Variants in SEMA6A observed in about 807,000 individuals in gnomAD.
SEMA6A encodes the protein semaphorin 6A.
Under a neutral mutation model 96.8 loss-of-function variants are expected in SEMA6A, and 25 were observed. The observed-to-expected ratio is 0.26, with a 90% CI of 0.19 to 0.36. The LOEUF (loss-of-function observed/expected upper bound fraction) is 0.36, where lower values mean the gene tolerates loss of function less well. SEMA6A is among the 10% of genes least tolerant of loss of function. The pLI, the probability that SEMA6A is intolerant of heterozygous loss-of-function variation, is 1.00. For missense variants in SEMA6A, 1,363 were observed against 1,323.1 expected, an observed-to-expected ratio of 1.03 and a Z score of -0.47; for synonymous variants, 612 against 518.0, an observed-to-expected ratio of 1.18 and a Z score of -2.46.
chr5:116,510,470 C>G (rs1169363695), intron 1 of SEMA6A, among the ~76,000 whole-genome samples: 3 of 152,162 alleles, frequency 2.0e-5, no homozygotes, highest in African/African-American at 7.2e-5. Flanking sequence ...TAGCTGGGAC[C>G]TCTAGCAAGA....
chr5:116,502,146 G>T, intron 3 of SEMA6A, 64 bp downstream of exon 3: 2 of 1,251,302 alleles, frequency 1.6e-6, no homozygotes, highest in Non-Finnish European at 2.3e-6. Flanking sequence ...ATGCATAGCT[G>T]GTAAATTTAG....
chr5:116,472,780 G>A (rs995890737), intron 17 of SEMA6A: 3 of 855,536 alleles, frequency 3.5e-6, no homozygotes, highest in Middle Eastern at 3.6e-4. Flanking sequence ...GGGCCCTAAA[G>A]TAACAAAGAA....
intron 18 of SEMA6A, 43 bp downstream of exon 18, chr5:116,467,540 C>G (rs377681453): frequency 6.4e-7 from 1 of 1,561,796 alleles, no homozygotes; most frequent in Admixed American, 1.9e-5. Context: ...CCCACTTTTC[C>G]CTCCCTCTCC....
At position 116,504,870 on chromosome 5, in the gene SEMA6A, C is replaced by T. The variant is rs1049628143; in HGVS notation, c.75G>A (p.Glu25=). The T allele has an allele frequency of 1.2e-6, 2 of 1,601,566 alleles. No individual in the cohort carries two copies. Among genetic ancestry groups the T allele is most frequent in the Non-Finnish European group, 1.7e-6 (2 of 1,173,938 alleles). Residue 25 remains glutamate (E), a synonymous_variant, in exon 2 of 19, where the codon GAG becomes GAA. Coordinates refer to ENST00000343348, the MANE Select transcript of SEMA6A (RefSeq NM_020796.5). ...FAGAGFPEDS[E]PISISHGNYT... ...AGTTGCCATGCGAAATACTGATTGG[C>T]TCAGAATCTTCTGGGAAACCAGCCC...
intron 1 of SEMA6A, among the ~76,000 whole-genome samples, chr5:116,515,378 C>G (rs1352438130): frequency 6.6e-6 from 1 of 152,096 alleles, no homozygotes; most frequent in East Asian, 1.9e-4. Context: ...AGTATAAGCT[C>G]AGAATATTGG....
chr5:116,528,087 G>A (rs922992629), intron 1 of SEMA6A, among the ~76,000 whole-genome samples: 3 of 152,132 alleles, frequency 2.0e-5, no homozygotes, highest in African/African-American at 4.8e-5. Context: ...GAACTCTCCA[G>A]GAACAGTAGA....
chr5:116,571,721 T>A (rs1342529012), intron 1 of SEMA6A, among the ~76,000 whole-genome samples: 1 of 152,224 alleles, frequency 6.6e-6, no homozygotes, highest in African/African-American at 2.4e-5. Context: ...TCTGCCACTG[T>A]ATTTAAGGTT....
At chr5:116,471,667 T>G (rs980356756) in intron 17 of SEMA6A, 2 of 152,186 alleles carry the variant, frequency 1.3e-5, no homozygotes, top group Non-Finnish European at 2.9e-5. Context: ...GCTTATCTAC[T>G]CCACACTGCC....
At chr5:116,494,023 A>T (rs1293057764) in intron 6 of SEMA6A, among the ~76,000 whole-genome samples, 2 of 151,794 alleles carry the variant, frequency 1.3e-5, no homozygotes. Context: ...CCATCCATCT[A>T]CTCGCCAAGA....
intron 2 of SEMA6A, among the ~76,000 whole-genome samples, chr5:116,503,718 T>C (rs1758010028): frequency 6.6e-6 from 1 of 152,112 alleles, no homozygotes. Flanking sequence ...GTTTTCACCA[T>C]GTTGGCCAGG....
At chr5:116,502,403 G>T in intron 2 of SEMA6A, 76 bp from the exon 3 acceptor site, 2 of 1,255,744 alleles carry the variant, frequency 1.6e-6, no homozygotes, top group Non-Finnish European at 2.3e-6. Context: ...AGGGGAGGGA[G>T]ACAGGTCACA....
chr5:116,476,455 G>C (rs1756453550), intron 15 of SEMA6A, among the ~76,000 whole-genome samples: 1 of 152,010 alleles, frequency 6.6e-6, no homozygotes, highest in East Asian at 1.9e-4. Context: ...ACCGTGTTTG[G>C]TTTCTAATCT....
At chr5:116,545,500 G>A (rs1168882838) in intron 1 of SEMA6A, among the ~76,000 whole-genome samples, 5 of 152,116 alleles carry the variant, frequency 3.3e-5, no homozygotes, top group South Asian at 2.1e-4. Flanking sequence ...AACCTGGGAG[G>A]TGGAGGTTGT....
intron 10 of SEMA6A, among the ~76,000 whole-genome samples, chr5:116,484,066 G>GAAAAAA (rs542325007): frequency 1.0e-5 from 1 of 99,924 alleles, no homozygotes; most frequent in African/African-American, 3.5e-5. Flanking sequence ...TCTGTCTGAA[G>GAAAAAA]AAAAAAAAAA....
chr5:116,473,241 T>G (rs966947559), intron 16 of SEMA6A, 148 bp from the exon 17 acceptor site: 2 of 727,872 alleles, frequency 2.7e-6, no homozygotes, highest in African/African-American at 3.6e-5. Context: ...GCGTGTAATG[T>G]AAGATGCCTT....
intron 18 of SEMA6A, among the ~76,000 whole-genome samples, chr5:116,450,156 A>G (rs573434625): frequency 3.1e-4 from 47 of 152,354 alleles, no homozygotes; most frequent in African/African-American, 1.1e-3. Context: ...TTGCACAAAA[A>G]TGTACACCTG....
intron 1 of SEMA6A, among the ~76,000 whole-genome samples, chr5:116,520,552 T>A (rs1247269165): frequency 1.3e-5 from 2 of 152,138 alleles, no homozygotes; most frequent in Admixed American, 6.5e-5. Context: ...GGGCAGAGAC[T>A]GGCATTTTTC....
chr5:116,562,274 A>T (rs1232472343), intron 1 of SEMA6A, among the ~76,000 whole-genome samples: 3 of 152,230 alleles, frequency 2.0e-5, no homozygotes, highest in Admixed American at 6.5e-5. Flanking sequence ...AAGCATTTAT[A>T]ATTCATAAGC....
chr5:116,502,579 T>C, intron 2 of SEMA6A: 1 of 423,234 alleles, frequency 2.4e-6, no homozygotes, highest in Non-Finnish European at 4.2e-6. Flanking sequence ...GTCACAATTT[T>C]TGATTTGTCT....
Sources: allele counts gnomAD v4.1 joint callset (sites outside exome capture counted in the v4.1 genomes callset), GRCh38; gene constraint gnomAD v4.1.1; transcripts MANE v1.5; gene names NCBI Gene and HGNC (gene_info 2026-07-23, HGNC 2026-07-21).